Variants in TMTC4 observed in about 807,000 individuals in gnomAD.
TMTC4 encodes transmembrane O-mannosyltransferase targeting cadherins 4, also known as protein O-mannosyl-transferase TMTC4.
In TMTC4, 65 loss-of-function variants were observed where a neutral mutation model predicts 86.0. The observed-to-expected ratio is 0.76, with a 90% CI of 0.62 to 0.93. The LOEUF is 0.93. Among genes scored for constraint, TMTC4 ranks in the 40% least tolerant of loss-of-function variants. The probability of loss-of-function intolerance (pLI) is 0.00; values close to 1 mark genes in which losing one functional copy is unlikely to be tolerated. For missense variants in TMTC4, 866 were observed against 948.1 expected, an observed-to-expected ratio of 0.91 and a Z score of 1.14; for synonymous variants, 379 against 382.5, an observed-to-expected ratio of 0.99 and a Z score of 0.11.
At chr13:100,646,702 C>T (rs979487274) in intron 6 of TMTC4, among the ~76,000 whole-genome samples, 7 of 152,198 alleles carry the variant, frequency 4.6e-5, no homozygotes, top group African/African-American at 1.4e-4. Flanking sequence ...AATACCATTA[C>T]ACAACAGTAT....
intron 6 of TMTC4, among the ~76,000 whole-genome samples, chr13:100,652,880 T>C (rs536903680): frequency 6.6e-6 from 1 of 152,350 alleles, no homozygotes; most frequent in African/African-American, 2.4e-5. Context: ...TTCTAGTCTT[T>C]GTATCCCCAG....
chr13:100,656,523 C>A, intron 5 of TMTC4, 55 bp from the exon 6 acceptor site: 2 of 952,254 alleles, frequency 2.1e-6, no homozygotes, highest in Non-Finnish European at 3.1e-6. Context: ...TAAGGAAATC[C>A]TAAACTTAGG....
At chr13:100,614,495 A>AT (rs1321236002) in intron 15 of TMTC4, 65 bp from the exon 16 acceptor site, 6 of 1,006,184 alleles carry the variant, frequency 6.0e-6, no homozygotes, top group Non-Finnish European at 8.5e-6. Context: ...CCAAGACATT[A>AT]TTAAAAAAAA....
rs557673985 is a variant in TMTC4, at chr13:100,625,664, G to A, written c.1707C>T (p.Ala569=). 97 of 1,614,078 alleles carry A rather than the reference G, an allele frequency of 6.0e-5. No individual in the cohort carries two copies. Among genetic ancestry groups the A allele is most frequent in the South Asian group, 3.1e-4 (28 of 91,070 alleles). ...SLAVQIQPDF[A]AAWMNLGIVQ... ...CTATGCCTAGATTCATCCACGCAGC[G>A]GCAAAGTCTGGCCTAGAGGAGCAGT... is the stretch of plus-strand genomic sequence containing the variant. The change falls in exon 15 of 19, where the codon GCC becomes GCT. Residue 569 remains alanine (A), a synonymous_variant. Transcript: ENST00000342624.
Position 100,674,746 on chromosome 13 carries a change from GC to G in TMTC4, c.-211del. The stretch of plus-strand genomic sequence containing the variant: ...GCAGGGGCCGCCCCGCGCGTTACCT[GC>G]AAGGAGCCTGAGCCCCGGCCGCATC... On this transcript the variant is annotated 5_prime_UTR_variant, in exon 1 of 19. An upstream open reading frame in the 5' UTR gains an earlier in-frame stop. Coordinates refer to ENST00000342624, the MANE Select transcript of TMTC4 (RefSeq NM_032813.5). 1.0e-6 allele frequency: 1 copy of G among 983,798 alleles called. No individual in the cohort carries two copies. The highest frequency in any genetic ancestry group is 1.2e-6 in the Non-Finnish European group (1 of 829,332). The allele number at this position is 983,798 out of a possible 1,614,324, so 60.9% of individuals were successfully genotyped here. A position where few individuals can be genotyped will look rare whatever the true frequency, so the allele number is the denominator to read the frequency against.
intron 15 of TMTC4, among the ~76,000 whole-genome samples, chr13:100,615,386 C>CT (rs1878317902): frequency 6.6e-6 from 1 of 152,032 alleles, no homozygotes; most frequent in African/African-American, 2.4e-5. Context: ...ATCGATCTGC[C>CT]TGCCTCAGCC....
chr13:100,660,657 A>ATTTT (rs35020533), intron 5 of TMTC4, among the ~76,000 whole-genome samples: 23 of 139,996 alleles, frequency 1.6e-4, no homozygotes, highest in South Asian at 1.2e-3. Context: ...TTAAAGCTGG[A>ATTTT]TTTTTTTTTT....
At chr13:100,631,781 G>A (rs908027796) in intron 12 of TMTC4, among the ~76,000 whole-genome samples, 174 of 152,052 alleles carry the variant, frequency 1.1e-3, no homozygotes, top group African/African-American at 4.0e-3. Context: ...TGGGACTGAA[G>A]GAAACCAGTG....
chr13:100,674,222 C>A lies in TMTC4; in HGVS notation c.-208+522G>T, dbSNP rs1224948438. The A allele has an allele frequency of 4.1e-6, 4 of 981,280 alleles. No individual in the cohort carries two copies. The East Asian group carries it at 4.6e-4, about 114-fold the overall frequency. 60.8% of individuals were successfully genotyped at this position (981,280 alleles called of 1,614,324 possible). A position where few individuals can be genotyped will look rare whatever the true frequency, so the allele number is the denominator to read the frequency against. On this transcript the variant is annotated intron_variant, in intron 1 of 18. Transcript: ENST00000342624. ...CGCGCCGCTCCGCTCCGCAGCCGAG[C>A]GTGGAGTAGCAGGCGCTCGCGGCGC...
At chr13:100,644,132 G>A (rs941879431) in intron 6 of TMTC4, among the ~76,000 whole-genome samples, 5 of 141,768 alleles carry the variant, frequency 3.5e-5, no homozygotes, top group African/African-American at 7.9e-5. Flanking sequence ...TTGAGACAGA[G>A]TCTCACTCTG....
chr13:100,659,848 T>A (rs1885549232), intron 5 of TMTC4, among the ~76,000 whole-genome samples: 1 of 149,044 alleles, frequency 6.7e-6, no homozygotes, highest in Non-Finnish European at 1.5e-5. Flanking sequence ...TTTGCCCGGC[T>A]GTCGTTGCTT....
At chr13:100,618,888 T>C (rs1878993037) in intron 15 of TMTC4, among the ~76,000 whole-genome samples, 1 of 152,206 alleles carries the variant, frequency 6.6e-6, no homozygotes, top group Non-Finnish European at 1.5e-5. Flanking sequence ...CATGTCTACT[T>C]CTTTCTACAC....
chr13:100,606,301 C>T (rs1876581492), intron 18 of TMTC4, 57 bp downstream of exon 18: 3 of 1,423,260 alleles, frequency 2.1e-6, no homozygotes, highest in East Asian at 4.6e-5. Flanking sequence ...TAGACATGCA[C>T]CCACTTCATT....
Position 100,642,383 on chromosome 13 carries a change from A to T in TMTC4, c.641-72T>A, listed in dbSNP as rs1883135955. ...TCAGTTTTTTAGCATCAGGAACTAA[A>T]ATTCTAAGCAAATACCTTAAACAAC... On this transcript the variant is annotated intron_variant, in intron 6 of 18. Transcript: ENST00000342624. 16 of 1,528,628 alleles carry T rather than the reference A, an allele frequency of 1.0e-5. No homozygotes were observed. In the South Asian group the frequency reaches 1.7e-4, roughly 16 times the overall value. The allele number at this position is 1,528,628 out of a possible 1,614,324, so 94.7% of individuals were successfully genotyped here.
intron 6 of TMTC4, 105 bp from the exon 7 acceptor site, chr13:100,642,416 TAAA>T: frequency 7.7e-7 from 1 of 1,294,214 alleles, no homozygotes; most frequent in South Asian, 1.3e-5. Flanking sequence ...AACCATAACT[TAAA>T]AACAGGGTTT....
intron 7 of TMTC4, 149 bp from the exon 8 acceptor site, chr13:100,638,171 A>G: frequency 5.2e-6 from 3 of 577,498 alleles, no homozygotes; most frequent in Non-Finnish European, 9.2e-6. Context: ...AAAAAAACAC[A>G]TAACAGCCGT....
chr13:100,644,162 G>C (rs1883407995), intron 6 of TMTC4, among the ~76,000 whole-genome samples: 1 of 145,998 alleles, frequency 6.8e-6, no homozygotes, highest in Non-Finnish European at 1.5e-5. Flanking sequence ...CTGGAGTGCA[G>C]TGGCACGATC....
At position 100,605,082 on chromosome 13, in the gene TMTC4, AAGG is replaced by A. The variant is rs1384870152; in HGVS notation, c.2192_2194del (p.Ser731del). 3.1e-6 allele frequency: 5 copies of A among 1,613,984 alleles called. No individual in the cohort carries two copies. Among genetic ancestry groups the A allele is most frequent in the African/African-American group, 1.3e-5 (1 of 74,908 alleles). ...TCCTGATGCCGTGGGGTCAAGCTGC[AAGG>A]AGATTTCATAGTGTTTCTTGGCCAA... On this transcript the variant is annotated inframe_deletion, in exon 19 of 19. Coordinates refer to ENST00000342624, the MANE Select transcript of TMTC4 (RefSeq NM_032813.5). The surrounding 1 kb of genome is among the most constrained non-coding windows in gnomAD (Gnocchi z 4.3).
chr13:100,632,053 A>ACACACACACACTCTCTCTCTCTCT, intron 12 of TMTC4, among the ~76,000 whole-genome samples: 1 of 43,152 alleles, frequency 2.3e-5, no homozygotes, highest in South Asian at 1.0e-3. Flanking sequence ...ACACACACAC[A>ACACACACACACTCTCTCTCTCTCT]CTCTCTCTCT....
Sources: allele counts gnomAD v4.1 joint callset (sites outside exome capture counted in the v4.1 genomes callset), GRCh38; gene constraint gnomAD v4.1.1; non-coding constraint Gnocchi (gnomAD v3.1); transcripts MANE v1.5; gene names NCBI Gene and HGNC (gene_info 2026-07-23, HGNC 2026-07-21).